GHR: variants seen among roughly 807,000 people sequenced by gnomAD.
The protein encoded by GHR is GH receptor.
A neutral mutation model predicts 67.1 loss-of-function variants in GHR; 35 were observed. The observed-to-expected ratio is 0.52, with a 90% confidence interval of 0.40 to 0.69. GHR has a LOEUF of 0.69. Among genes scored for constraint, GHR ranks in the 30% least tolerant of loss-of-function variants. The pLI, the probability that GHR is intolerant of heterozygous loss-of-function variation, is 0.00. For synonymous variants in GHR, 272 were observed against 269.1 expected (o/e 1.01, Z -0.10); for missense variants, 792 against 764.6 (o/e 1.04, Z -0.42).
chr5:42,489,926 C>T (rs1054151765), intron 1 of GHR, among the ~76,000 whole-genome samples: 1 of 151,870 alleles, frequency 6.6e-6, no homozygotes, highest in South Asian at 2.1e-4. Context: ...AATATCCTCC[C>T]TTTTTTTCTG....
chr5:42,699,900 A>C lies in GHR; in HGVS notation c.516A>C (p.Gln172His). Residue 172 changes from glutamine (Q) to histidine (H), a missense_variant, in exon 6 of 10, where the codon CAA becomes CAC. Transcript: ENST00000230882. ...VSLTGIHADIQVRWEAPRNAD... is the reference protein window; with the variant it reads ...VSLTGIHADIHVRWEAPRNAD... The stretch of plus-strand genomic sequence containing the variant: ...TAACTGGGATTCATGCAGATATCCA[A>C]GTGAGATGGGAAGCACCACGCAATG... 6.2e-7 allele frequency: 1 copy of C among 1,604,118 alleles called. No individual in the cohort carries two copies.
At chr5:42,471,682 CT>C in intron 1 of GHR, among the ~76,000 whole-genome samples, 1 of 152,104 alleles carries the variant, frequency 6.6e-6, no homozygotes, top group Non-Finnish European at 1.5e-5. Flanking sequence ...TGTTAAGTGC[CT>C]AGAACTGTAG....
At chr5:42,716,178 A>G (rs868458340) in intron 8 of GHR, among the ~76,000 whole-genome samples, 1 of 152,116 alleles carries the variant, frequency 6.6e-6, no homozygotes, top group Non-Finnish European at 1.5e-5. Flanking sequence ...TCAAAAAAAA[A>G]AAAACAAAAC....
intron 2 of GHR, among the ~76,000 whole-genome samples, chr5:42,595,654 A>C (rs1294708092): frequency 2.6e-5 from 4 of 152,270 alleles, no homozygotes; most frequent in Non-Finnish European, 4.4e-5. Flanking sequence ...TACTTGATCC[A>C]TTTGAGTGGG....
At chr5:42,570,434 A>G (rs1026234804) in intron 2 of GHR, among the ~76,000 whole-genome samples, 4 of 152,228 alleles carry the variant, frequency 2.6e-5, no homozygotes, top group Non-Finnish European at 1.5e-5. Flanking sequence ...GATGGTGCCA[A>G]TGTAGATAAT....
chr5:42,486,581 C>T (rs1362844611), intron 1 of GHR, among the ~76,000 whole-genome samples: 3 of 152,200 alleles, frequency 2.0e-5, no homozygotes, highest in African/African-American at 7.2e-5. Flanking sequence ...GGCACGGTGG[C>T]TTACGCCTGT....
intron 1 of GHR, chr5:42,465,333 A>G: frequency 1.3e-6 from 1 of 748,638 alleles, no homozygotes; most frequent in Non-Finnish European, 2.3e-6. Context: ...ATAAATCTTT[A>G]TTTTCAGTTA....
At chr5:42,600,931 T>TTC (rs1276265657) in intron 2 of GHR, among the ~76,000 whole-genome samples, 2 of 141,530 alleles carry the variant, frequency 1.4e-5, no homozygotes, top group African/African-American at 5.3e-5. Flanking sequence ...TTTTTTTTTT[T>TTC]TTTTTTTTTT....
At position 42,718,742 on chromosome 5, in the gene GHR, C is replaced by T. The variant is rs1758857243; in HGVS notation, c.1235C>T (p.Ala412Val). 4 of 1,613,898 alleles carry T rather than the reference C, an allele frequency of 2.5e-6. 1 individual carries two copies. The South Asian group carries it at 4.4e-5, about 18-fold the overall frequency. Residue 412 changes from alanine (A) to valine (V), a missense_variant, in exon 10 of 10, where the codon GCT becomes GTT. Coordinates refer to ENST00000230882, the MANE Select transcript of GHR (RefSeq NM_000163.5). ...ATACATGAGGGTACCTCAGAGGTTG[C>T]TCAGCCACAGAGGTTAAAAGGGGAA... ...NDIHEGTSEV[A>V]QPQRLKGEAD...
intron 6 of GHR, among the ~76,000 whole-genome samples, chr5:42,710,001 A>C (rs921891086): frequency 1.3e-5 from 2 of 152,224 alleles, no homozygotes; most frequent in South Asian, 2.1e-4. Flanking sequence ...TGTATTGGTG[A>C]CAATAACAGA....
intron 2 of GHR, among the ~76,000 whole-genome samples, chr5:42,612,449 CAGTT>C (rs1752936315): frequency 6.6e-6 from 1 of 152,036 alleles, no homozygotes; most frequent in Non-Finnish European, 1.5e-5. Context: ...AGTTCTTCAG[CAGTT>C]AGTTACCACT....
intron 1 of GHR, chr5:42,465,688 G>T (rs1460943055): frequency 1.2e-6 from 1 of 851,260 alleles, no homozygotes; most frequent in Non-Finnish European, 2.1e-6. Flanking sequence ...CGTGCTTCAG[G>T]CCACTGTAAT....
intron 2 of GHR, among the ~76,000 whole-genome samples, chr5:42,593,200 A>G (rs189201833): frequency 1.4e-4 from 21 of 152,352 alleles, no homozygotes; most frequent in Admixed American, 5.2e-4. Flanking sequence ...CTTGGATGCA[A>G]ATGCCTTGTG....
At chr5:42,693,733 G>C (rs1217826343) in intron 4 of GHR, among the ~76,000 whole-genome samples, 2 of 152,136 alleles carry the variant, frequency 1.3e-5, no homozygotes, top group African/African-American at 4.8e-5. Context: ...ATCCCACAGA[G>C]GGATGGTCCC....
rs565340420 is a variant in GHR at position 42,719,578 on chromosome 5, G to T, written c.*154G>T. 5.5e-6 allele frequency: 4 copies of T among 721,960 alleles called. No homozygotes were observed. The highest frequency in any genetic ancestry group is 9.9e-6 in the Non-Finnish European group (4 of 403,180). The allele number at this position is 721,960 out of a possible 1,614,324, so 44.7% of individuals were successfully genotyped here. A position where few individuals can be genotyped will look rare whatever the true frequency, so the allele number is the denominator to read the frequency against. ...GCCTTTTCCCAAAATGTTGAAATAT[G>T]ATGTTAAAAAAATAAGAAGAATGCT... On this transcript the variant is annotated 3_prime_UTR_variant, in exon 10 of 10. Transcript: ENST00000230882.
intron 1 of GHR, among the ~76,000 whole-genome samples, chr5:42,496,795 A>C (rs1156445356): frequency 6.6e-6 from 1 of 151,990 alleles, no homozygotes; most frequent in Non-Finnish European, 1.5e-5. Context: ...GTTTCTTCCT[A>C]CCTTAATGAA....
rs777316542 is a variant in GHR, at chr5:42,661,628, A to C, written c.137-27262A>C. ...AGCACTAAACATGGAAAGGAACAAC[A>C]GGTACCAGCCACTGCAAAATCATGC... On this transcript the variant is annotated intron_variant, in intron 3 of 9. Coordinates refer to ENST00000230882, the MANE Select transcript of GHR (RefSeq NM_000163.5). Among the ~76,000 whole-genome samples, 427 of 152,278 alleles carry C rather than the reference A, an allele frequency of 2.8e-3. 1 individual carries two copies. The highest frequency in any genetic ancestry group is 9.4e-3 in the African/African-American group (392 of 41,568).
At chr5:42,711,440 CT>C in intron 7 of GHR, 68 bp downstream of exon 7, 1 of 1,058,198 alleles carries the variant, frequency 9.5e-7, no homozygotes, top group African/African-American at 1.6e-5. Context: ...TGATTCACCC[CT>C]GCACTGGTAG....
intron 1 of GHR, among the ~76,000 whole-genome samples, chr5:42,437,464 G>A (rs1198821482): frequency 3.3e-5 from 5 of 152,012 alleles, no homozygotes; most frequent in African/African-American, 1.2e-4. Context: ...GTGCTTTCAT[G>A]TTTTACACAC....
Sources: allele counts gnomAD v4.1 joint callset (sites outside exome capture counted in the v4.1 genomes callset), GRCh38; gene constraint gnomAD v4.1.1; transcripts MANE v1.5; gene names NCBI Gene and HGNC (gene_info 2026-07-23, HGNC 2026-07-21).